The following LARS1 variants were observed in gnomAD, a reference collection of about 807,000 sequenced individuals.
LARS1 encodes leucine--tRNA ligase, cytoplasmic.
A neutral mutation model predicts 162.8 loss-of-function variants in LARS1; 100 were observed. That is an observed-to-expected ratio of 0.61 (90% CI 0.52 to 0.73). The LOEUF is 0.73. LARS1 is among the 30% of genes least tolerant of loss of function. The pLI is 0.00. For synonymous variants in LARS1, 457 were observed against 462.8 expected (o/e 0.99, Z 0.16); for missense variants, 1,258 against 1,408.9 (o/e 0.89, Z 1.71).
chr5:146,116,910 C>T (rs1751571020), intron 31 of LARS1, among the ~76,000 whole-genome samples: 1 of 152,194 alleles, frequency 6.6e-6, no homozygotes, highest in Admixed American at 6.5e-5. Context: ...CTGAATTTAA[C>T]TCCTCTTCCA....
chr5:146,152,053 T>A, intron 13 of LARS1, 51 bp from the exon 14 acceptor site: 1 of 1,604,016 alleles, frequency 6.2e-7, no homozygotes, highest in Non-Finnish European at 8.5e-7. Flanking sequence ...GACACACAGC[T>A]CTGTAGGGCA....
intron 21 of LARS1, 102 bp downstream of exon 21, chr5:146,140,102 T>G (rs1752705185): frequency 1.1e-6 from 1 of 899,512 alleles, no homozygotes; most frequent in East Asian, 2.6e-5. Context: ...GCACCACACC[T>G]GGACACATTA....
chr5:146,155,471 G>A (rs1753484057), intron 10 of LARS1, among the ~76,000 whole-genome samples: 1 of 152,092 alleles, frequency 6.6e-6, no homozygotes, highest in Non-Finnish European at 1.5e-5. Flanking sequence ...TAGTTATGAA[G>A]ACAAAGTAAA....
intron 22 of LARS1, among the ~76,000 whole-genome samples, chr5:146,134,880 T>C (rs1024570937): frequency 1.1e-4 from 16 of 152,156 alleles, no homozygotes; most frequent in African/African-American, 3.6e-4. Context: ...ACCCTGGAGA[T>C]GGAGGTTGCA....
chr5:146,173,444 T>C (rs946817299), intron 2 of LARS1, among the ~76,000 whole-genome samples: 12 of 151,836 alleles, frequency 7.9e-5, no homozygotes, highest in African/African-American at 2.9e-4. Flanking sequence ...ATACTAGATA[T>C]ATATATAAAG....
chr5:146,159,285 C>T, intron 8 of LARS1, 122 bp downstream of exon 8: 1 of 658,350 alleles, frequency 1.5e-6, no homozygotes, highest in South Asian at 2.0e-5. Flanking sequence ...TTCATATCCA[C>T]CAGAGTATCA....
chr5:146,177,131 C>A (rs1475883845), intron 2 of LARS1, among the ~76,000 whole-genome samples: 1 of 152,140 alleles, frequency 6.6e-6, no homozygotes, highest in African/African-American at 2.4e-5. Flanking sequence ...TTATGGGTTC[C>A]ACCAAGCTGT....
Position 146,120,523 on chromosome 5 carries a change from A to G in LARS1, c.3193-20T>C. ...ACCAGGCTAGGAAAACAACAAGAAA[A>G]TGATTGTTTAACTTGAATACTGCTG... is the stretch of plus-strand genomic sequence containing the variant. On this transcript the variant is annotated intron_variant, in intron 30 of 31. Transcript: ENST00000394434. 1 of 1,605,864 alleles carries G rather than the reference A, an allele frequency of 6.2e-7. No homozygotes were observed. Among genetic ancestry groups the G allele is most frequent in the South Asian group, 1.1e-5 (1 of 89,624 alleles).
At position 146,144,616 on chromosome 5, in the gene LARS1, A is replaced by G. The variant is rs1374361680; in HGVS notation, c.1589+8T>C. The G allele has an allele frequency of 2.1e-5, 34 of 1,613,868 alleles. No homozygotes were observed. Among genetic ancestry groups the G allele is most frequent in the Non-Finnish European group, 2.7e-5 (32 of 1,179,944 alleles). On this transcript the variant is annotated splice_region_variant and intron_variant, in intron 16 of 31. Transcript: ENST00000394434. ...ACTAGGGGAATTTTCTTGCTATAAG[A>G]GACTAACCACTGGTCACACAGAGCC...
chr5:146,139,868 G>A (rs866838035), intron 21 of LARS1, among the ~76,000 whole-genome samples: 5 of 65,320 alleles, frequency 7.7e-5, no homozygotes, highest in East Asian at 9.7e-4. Flanking sequence ...GCGAGACTCC[G>A]TCTCAAAAAA....
Position 146,150,784 on chromosome 5 carries a change from C to T in LARS1, c.1425+1078G>A, listed in dbSNP as rs183479495. 2.6e-3 allele frequency among the ~76,000 whole-genome samples: 387 copies of T among 151,444 alleles called. 7 individuals are homozygous for T. Among genetic ancestry groups the T allele is most frequent in the East Asian group, 1.8e-3 (9 of 5,134 alleles). On this transcript the variant is annotated intron_variant, in intron 14 of 31. Coordinates refer to ENST00000394434, the MANE Select transcript of LARS1 (RefSeq NM_020117.11). ...GAAATCCTCGTGTCTACTAAAAATA[C>T]AAAAATTAGCTGGTCATGGTGGCAC...
chr5:146,177,583 A>AT lies in LARS1; in HGVS notation c.88_89insA (p.Phe30TyrfsTer2). The AT allele has an allele frequency of 6.2e-7, 1 of 1,602,920 alleles. No individual in the cohort carries two copies. Among genetic ancestry groups the AT allele is most frequent in the East Asian group, 2.3e-5 (1 of 44,364 alleles). The stretch of plus-strand genomic sequence containing the variant: ...CTCTAAATTAGATGCATTGACCTCA[A>AT]ACACTCTCTCAGTATCCCATTTCTG... On this transcript the variant is annotated frameshift_variant, in exon 2 of 32. Coordinates refer to ENST00000394434, the MANE Select transcript of LARS1 (RefSeq NM_020117.11). LOFTEE classifies it high-confidence loss of function.
intron 28 of LARS1, among the ~76,000 whole-genome samples, chr5:146,125,583 T>C (rs912633872): frequency 6.6e-6 from 1 of 151,964 alleles, no homozygotes; most frequent in Admixed American, 6.6e-5. Context: ...TCCTAAAAAG[T>C]TTGGTTCTAT....
In LARS1 at chr5:146,153,945, T is replaced by C. The variant is rs781506361; in HGVS notation, c.1101A>G (p.Thr367=). The change falls in exon 11 of 32, where the codon ACA becomes ACG. Residue 367 remains threonine, a synonymous_variant. Coordinates refer to ENST00000394434, the MANE Select transcript of LARS1 (RefSeq NM_020117.11). The part of the protein sequence containing the change: ...ILGASLSAPL[T]SYKVIYVLPM... ...GGAGAACATAGATCACCTTGTATGA[T>C]GTTAAAGGTGCAGAAAGTGATGCAC... 1.9e-6 allele frequency: 3 copies of C among 1,611,170 alleles called. No individual in the cohort carries two copies. Among genetic ancestry groups the C allele is most frequent in the South Asian group, 2.2e-5 (2 of 90,634 alleles).
intron 21 of LARS1, among the ~76,000 whole-genome samples, chr5:146,139,345 CAA>C (rs977056105): frequency 8.8e-5 from 7 of 79,288 alleles, no homozygotes; most frequent in Admixed American, 1.2e-4. Context: ...TCCATCACAA[CAA>C]AAAAAAAAAA....
intron 20 of LARS1, among the ~76,000 whole-genome samples, chr5:146,140,963 T>C (rs1320358237): frequency 6.6e-6 from 1 of 152,200 alleles, no homozygotes; most frequent in East Asian, 1.9e-4. Flanking sequence ...TATCTTTATA[T>C]ACATTAACAA....
intron 2 of LARS1, among the ~76,000 whole-genome samples, chr5:146,174,843 G>A (rs1241828848): frequency 1.3e-5 from 2 of 151,898 alleles, no homozygotes; most frequent in East Asian, 3.9e-4. Context: ...CAACACTTTG[G>A]GAGGCAAAAG....
chr5:146,181,848 CTTTTTTTTTTTTTTTTTTTT>C (rs34658033), intron 1 of LARS1, among the ~76,000 whole-genome samples: 2 of 53,030 alleles, frequency 3.8e-5, no homozygotes, highest in Non-Finnish European at 6.6e-5. Flanking sequence ...TCAATTTTTT[CTTTTTTTTTTTTTTTTTTTT>C]TTTTTTTTTT....
At chr5:146,116,721 T>G (rs1033923407) in intron 31 of LARS1, among the ~76,000 whole-genome samples, 2 of 152,200 alleles carry the variant, frequency 1.3e-5, no homozygotes, top group African/African-American at 4.8e-5. Context: ...ACATATGGCA[T>G]GGGTTGTGAG....
Sources: gnomAD v4.1 joint callset for allele counts (sites outside exome capture counted in the v4.1 genomes callset) on GRCh38, gnomAD v4.1.1 for gene constraint, MANE v1.5 for transcripts, NCBI Gene and HGNC (gene_info 2026-07-23, HGNC 2026-07-21) for gene names.